Variants in SLC24A4 observed in about 807,000 individuals in gnomAD.
SLC24A4 encodes sodium/potassium/calcium exchanger 4.
Under a neutral mutation model 79.0 loss-of-function variants are expected in SLC24A4, and 53 were observed. The ratio of observed to expected loss-of-function variants is 0.67; its 90% CI spans 0.54 to 0.84. SLC24A4 has a LOEUF of 0.84. SLC24A4 is among the 40% of genes least tolerant of loss of function. The pLI, the probability that SLC24A4 is intolerant of heterozygous loss-of-function variation, is 0.00. For synonymous variants in SLC24A4, 323 were observed against 323.8 expected (o/e 1.00, Z 0.03); for missense variants, 731 against 822.0 (o/e 0.89, Z 1.35).
chr14:92,447,520 C>G, intron 9 of SLC24A4, 96 bp downstream of exon 9: 1 of 1,245,494 alleles, frequency 8.0e-7, no homozygotes, highest in Non-Finnish European at 1.2e-6. Flanking sequence ...TCTGTCAGAT[C>G]TTTGTCCTTT....
chr14:92,476,415 AACC>A (rs1012980084), intron 12 of SLC24A4, among the ~76,000 whole-genome samples: 3 of 152,160 alleles, frequency 2.0e-5, no homozygotes, highest in African/African-American at 7.2e-5. Flanking sequence ...ATTTCAAGCT[AACC>A]ATATTCTCTT....
chr14:92,371,239 C>T (rs991540150), intron 2 of SLC24A4, among the ~76,000 whole-genome samples: 10 of 152,280 alleles, frequency 6.6e-5, no homozygotes, highest in African/African-American at 1.2e-4. Context: ...CACATACATA[C>T]GGTGGGTCCC....
At chr14:92,352,776 G>A (rs1886965455) in intron 2 of SLC24A4, among the ~76,000 whole-genome samples, 1 of 152,184 alleles carries the variant, frequency 6.6e-6, no homozygotes, top group African/African-American at 2.4e-5. Context: ...AGTTGCAGGG[G>A]TACTTATATC....
intron 10 of SLC24A4, among the ~76,000 whole-genome samples, chr14:92,449,996 A>G (rs7151858): frequency 0.011 from 1,614 of 152,332 alleles, 5 homozygotes; most frequent in South Asian, 0.023. Flanking sequence ...AGCTGCCGGG[A>G]AGGAGAGAGC....
At chr14:92,379,818 C>A (rs947118248) in intron 2 of SLC24A4, among the ~76,000 whole-genome samples, 13 of 152,154 alleles carry the variant, frequency 8.5e-5, no homozygotes, top group South Asian at 2.1e-4. Flanking sequence ...GCACACTGAC[C>A]TTTCTGCCCC....
rs915807799 is a variant in SLC24A4 at position 92,323,747 on chromosome 14, C to T, written c.-84C>T. 14 of 1,473,812 alleles carry T rather than the reference C, an allele frequency of 9.5e-6. No homozygotes were observed. In the African/African-American group the frequency reaches 1.8e-4, roughly 19 times the overall value. 91.3% of individuals were successfully genotyped at this position (1,473,812 alleles called of 1,614,324 possible). On this transcript the variant is annotated 5_prime_UTR_variant, in exon 1 of 17. Transcript: ENST00000532405. The surrounding 1 kb of genome is among the most constrained non-coding windows in gnomAD (Gnocchi z 4.9). ...CTGAGTCGCGCACCGCCTGCTCCAGCCCCAGCGCCGCTCGGCCACTGATTG... is the reference window on the plus strand; with the variant it reads ...CTGAGTCGCGCACCGCCTGCTCCAGTCCCAGCGCCGCTCGGCCACTGATTG...
At chr14:92,357,777 C>T (rs1035811470) in intron 2 of SLC24A4, among the ~76,000 whole-genome samples, 1 of 152,172 alleles carries the variant, frequency 6.6e-6, no homozygotes, top group African/African-American at 2.4e-5. Context: ...GTGATGGTTG[C>T]ACAACAATGT....
At chr14:92,339,229 G>C (rs79248744) in intron 2 of SLC24A4, among the ~76,000 whole-genome samples, 5,547 of 152,230 alleles carry the variant, frequency 0.036, 309 homozygotes, top group African/African-American at 0.12. Flanking sequence ...CCTGTAAGAC[G>C]AGGGGGAGTA....
chr14:92,334,824 C>A (rs529607763), intron 2 of SLC24A4, among the ~76,000 whole-genome samples: 2 of 152,242 alleles, frequency 1.3e-5, no homozygotes, highest in East Asian at 3.9e-4. Flanking sequence ...ACACCACATG[C>A]TGTATGGAAG....
At position 92,328,139 on chromosome 14, in the gene SLC24A4, G is replaced by T. The variant is rs147696769; in HGVS notation, c.241+2161G>T. 6.0e-3 allele frequency among the ~76,000 whole-genome samples: 916 copies of T among 152,288 alleles called. 11 individuals carry two copies. The highest frequency in any genetic ancestry group is 0.021 in the African/African-American group (874 of 41,558). On this transcript the variant is annotated intron_variant, in intron 2 of 16. Coordinates refer to ENST00000532405, the MANE Select transcript of SLC24A4 (RefSeq NM_153646.4). ...CTCTCCCTTGTACTGCACAGCCCCC[G>T]GCTCTCAGGCCAGGTGGGGTCTGTG...
At chr14:92,483,594 A>G (rs894238602) in intron 13 of SLC24A4, 1 of 467,208 alleles carries the variant, frequency 2.1e-6, no homozygotes, top group Non-Finnish European at 3.8e-6. Flanking sequence ...ATAAGCTCCT[A>G]TGGCCATACA....
chr14:92,400,237 G>A (rs1022862354), intron 2 of SLC24A4, among the ~76,000 whole-genome samples: 34 of 152,172 alleles, frequency 2.2e-4, no homozygotes, highest in Admixed American at 1.1e-3. Context: ...TCAGGAGATC[G>A]AGAACATCCA....
Position 92,433,881 on chromosome 14 carries a change from T to G in SLC24A4, c.242-31T>G, listed in dbSNP as rs1313918903. ...GTTTGTCGGGAGGCCCATAGATAAC[T>G]AACACTCTGCCATCTCTTCCTGTCT... On this transcript the variant is annotated intron_variant, in intron 2 of 16. Coordinates refer to ENST00000532405, the MANE Select transcript of SLC24A4 (RefSeq NM_153646.4). 2.5e-6 allele frequency: 4 copies of G among 1,597,978 alleles called. No individual in the cohort carries two copies. In the South Asian group the frequency reaches 4.4e-5, roughly 18 times the overall value.
At chr14:92,419,411 C>T (rs1481917938) in intron 2 of SLC24A4, among the ~76,000 whole-genome samples, 4 of 152,204 alleles carry the variant, frequency 2.6e-5, no homozygotes, top group Non-Finnish European at 4.4e-5. Context: ...AGCTACCTTC[C>T]CGCAGATGTT....
intron 2 of SLC24A4, among the ~76,000 whole-genome samples, chr14:92,405,533 T>C (rs1407114138): frequency 6.6e-6 from 1 of 152,106 alleles, no homozygotes; most frequent in Non-Finnish European, 1.5e-5. Flanking sequence ...TGGGTAATTT[T>C]TGAAGAAAAG....
chr14:92,486,255 G>T (rs1294993065), intron 13 of SLC24A4, among the ~76,000 whole-genome samples: 2 of 152,188 alleles, frequency 1.3e-5, no homozygotes, highest in East Asian at 3.9e-4. Flanking sequence ...CCAAAGAGAA[G>T]AAATGACTTC....
In SLC24A4 at chr14:92,495,630, A is replaced by T. The variant is rs959906720; in HGVS notation, c.*2002A>T. On this transcript the variant is annotated 3_prime_UTR_variant, in exon 17 of 17. Transcript: ENST00000532405. ...CTTCTGTCTCTGTTTTGATTCTCCA[A>T]ACTGCTCTGTGATGTATGTAGGGAT... The T allele has an allele frequency of 2.0e-5, 3 of 152,130 alleles. No individual in the cohort carries two copies. The highest frequency in any genetic ancestry group is 1.5e-5 in the Non-Finnish European group (1 of 68,028). The allele number at this position is 152,130 out of a possible 1,614,324, so 9.4% of individuals were successfully genotyped here. A position where few individuals can be genotyped will look rare whatever the true frequency, so the allele number is the denominator to read the frequency against.
At chr14:92,453,460 A>G (rs1390657446) in intron 10 of SLC24A4, 5 of 154,174 alleles carry the variant, frequency 3.2e-5, no homozygotes, top group African/African-American at 1.2e-4. Context: ...ACCCTTGTCA[A>G]TTTGCAAAAT....
chr14:92,448,380 A>ACACACACACACACACACACAC (rs60919801), intron 9 of SLC24A4, among the ~76,000 whole-genome samples: 90 of 150,248 alleles, frequency 6.0e-4, no homozygotes, highest in East Asian at 1.2e-3. Context: ...ACACACACAC[A>ACACACACACACACACACACAC]AATCCCTACT....
Sources: gnomAD v4.1 joint callset for allele counts (sites outside exome capture counted in the v4.1 genomes callset) on GRCh38, gnomAD v4.1.1 for gene constraint, Gnocchi (gnomAD v3.1) non-coding constraint, MANE v1.5 for transcripts, NCBI Gene and HGNC (gene_info 2026-07-23, HGNC 2026-07-21) for gene names.